SCAPER: variants seen among roughly 807,000 people sequenced by gnomAD.
The protein encoded by SCAPER is S-phase cyclin A associated protein in the ER.
A neutral mutation model predicts 182.2 loss-of-function variants in SCAPER; 98 were observed. That is an observed-to-expected ratio of 0.54 (90% CI 0.46 to 0.64). The LOEUF (loss-of-function observed/expected upper bound fraction) is 0.64, where lower values mean the gene tolerates loss of function less well. Ranked by LOEUF, SCAPER falls within the 30% of genes least tolerant of loss-of-function variation. SCAPER has a pLI of 0.00. For missense variants in SCAPER, 1,432 were observed against 1,690.0 expected (o/e 0.85, Z 2.68); for synonymous variants, 605 against 564.6 (o/e 1.07, Z -1.01).
Position 76,822,425 on chromosome 15 carries a change from A to C in SCAPER, c.394-17792T>G, listed in dbSNP as rs567395951. On this transcript the variant is annotated intron_variant, in intron 5 of 31. Coordinates refer to ENST00000563290, the MANE Select transcript of SCAPER (RefSeq NM_020843.4). ...AACATTTCTTAAGCAGCTAATACAAAGCTAAATAAATAAAGGCAACTCTGC... is the reference window on the plus strand; with the variant it reads ...AACATTTCTTAAGCAGCTAATACAACGCTAAATAAATAAAGGCAACTCTGC... Among the ~76,000 whole-genome samples the C allele has an allele frequency of 6.6e-5, 10 of 152,380 alleles. No homozygotes were observed. The South Asian group carries it at 1.9e-3, about 28-fold the overall frequency.
chr15:76,571,546 GTCTAAAATAGTTC>G (rs2047434334), intron 23 of SCAPER, among the ~76,000 whole-genome samples: 1 of 152,086 alleles, frequency 6.6e-6, no homozygotes, highest in Admixed American at 6.6e-5. Context: ...AACCCGTTAG[GTCTAAAATAGTTC>G]TCAGAACTTT....
At chr15:76,846,956 A>G (rs2070148764) in intron 4 of SCAPER, among the ~76,000 whole-genome samples, 1 of 152,080 alleles carries the variant, frequency 6.6e-6, no homozygotes, top group Admixed American at 6.6e-5. Flanking sequence ...GGAAGTGGCC[A>G]TCATCAGATG....
chr15:76,825,983 G>T (rs2067978917), intron 5 of SCAPER, among the ~76,000 whole-genome samples: 1 of 152,156 alleles, frequency 6.6e-6, no homozygotes, highest in Admixed American at 6.5e-5. Context: ...GACCTTAGGT[G>T]ATCCACCCAC....
intron 25 of SCAPER, among the ~76,000 whole-genome samples, chr15:76,452,522 A>T (rs2048440357): frequency 6.6e-6 from 1 of 152,208 alleles, no homozygotes. Context: ...CTCTGCAAGG[A>T]TTTTAAATGT....
chr15:76,614,522 AC>A (rs1464581521), intron 22 of SCAPER, among the ~76,000 whole-genome samples: 15 of 152,344 alleles, frequency 9.8e-5, no homozygotes, highest in African/African-American at 2.9e-4. Flanking sequence ...TAACAAAAAA[AC>A]AAACCTGAAA....
intron 17 of SCAPER, among the ~76,000 whole-genome samples, chr15:76,727,808 T>C (rs973702561): frequency 1.9e-4 from 28 of 151,214 alleles, no homozygotes; most frequent in Non-Finnish European, 3.8e-4. Context: ...TATATGTAAC[T>C]AACAAAGACT....
intron 8 of SCAPER, chr15:76,793,539 A>G (rs2065133746): frequency 2.7e-6 from 1 of 371,174 alleles, no homozygotes; most frequent in Non-Finnish European, 4.8e-6. Context: ...TTCTATAAAA[A>G]CCTTTTTTAA....
chr15:76,620,087 T>C (rs1045636634), intron 22 of SCAPER, among the ~76,000 whole-genome samples: 4 of 152,060 alleles, frequency 2.6e-5, no homozygotes, highest in Non-Finnish European at 4.4e-5. Context: ...AAAAAATATA[T>C]ATATATAAGT....
intron 5 of SCAPER, among the ~76,000 whole-genome samples, chr15:76,831,704 C>A (rs185890473): frequency 6.6e-6 from 1 of 152,134 alleles, no homozygotes; most frequent in African/African-American, 2.4e-5. Flanking sequence ...CCTTCCATCA[C>A]CCCACCGGAG....
intron 25 of SCAPER, among the ~76,000 whole-genome samples, chr15:76,462,391 T>A (rs1415601386): frequency 6.6e-6 from 1 of 152,184 alleles, no homozygotes; most frequent in Non-Finnish European, 1.5e-5. Context: ...CAGAACTGGG[T>A]CATCTTCTAT....
At chr15:76,406,873 CATA>C (rs1414028290) in intron 26 of SCAPER, among the ~76,000 whole-genome samples, 1 of 152,282 alleles carries the variant, frequency 6.6e-6, no homozygotes, top group African/African-American at 2.4e-5. Context: ...TCATCTTGGC[CATA>C]ATGACTGGTT....
At chr15:76,571,545 G>T (rs2145328503) in intron 23 of SCAPER, among the ~76,000 whole-genome samples, 1 of 152,206 alleles carries the variant, frequency 6.6e-6, no homozygotes, top group South Asian at 2.1e-4. Flanking sequence ...TAACCCGTTA[G>T]GTCTAAAATA....
chr15:76,570,175 T>G (rs1357531912), intron 23 of SCAPER, among the ~76,000 whole-genome samples: 1 of 152,206 alleles, frequency 6.6e-6, no homozygotes, highest in African/African-American at 2.4e-5. Flanking sequence ...CCCAGCCACC[T>G]ACATGATTTG....
At chr15:76,518,356 T>C (rs1000316160) in intron 23 of SCAPER, among the ~76,000 whole-genome samples, 2 of 152,200 alleles carry the variant, frequency 1.3e-5, no homozygotes, top group Admixed American at 6.5e-5. Flanking sequence ...ACTTGTGCCA[T>C]GATAAGATAT....
intron 27 of SCAPER, among the ~76,000 whole-genome samples, chr15:76,401,591 T>C (rs1240421689): frequency 4.6e-5 from 7 of 152,192 alleles, no homozygotes; most frequent in Admixed American, 3.9e-4. Context: ...AGTCTAGCTC[T>C]TGTAGCCCTT....
intron 31 of SCAPER, chr15:76,350,693 C>T (rs950881861): frequency 1.3e-5 from 2 of 151,984 alleles, no homozygotes; most frequent in African/African-American, 2.4e-5. Context: ...AGCAGGAATG[C>T]TATAGGAAAA....
intron 24 of SCAPER, among the ~76,000 whole-genome samples, chr15:76,476,727 G>C (rs1421669157): frequency 6.7e-6 from 1 of 149,124 alleles, no homozygotes; most frequent in Non-Finnish European, 1.5e-5. Flanking sequence ...GATTATAGGC[G>C]TTAGCCAACA....
Position 76,665,750 on chromosome 15 carries a change from C to A in SCAPER, c.2548G>T (p.Val850Phe). The change falls in exon 21 of 32, where the codon GTT becomes TTT. Residue 850 changes from valine to phenylalanine, a missense_variant. Coordinates refer to ENST00000563290, the MANE Select transcript of SCAPER (RefSeq NM_020843.4). ...GCTTCTGCTGGAGCTGTACTTTCAA[C>A]CACAATGTCAATAATGTACTTCTTC... ...SLKKYIIDIV[V>F]ESTAPAEALK... 1 of 1,548,670 alleles carries A rather than the reference C, an allele frequency of 6.5e-7. No homozygotes were observed. Among genetic ancestry groups the A allele is most frequent in the Non-Finnish European group, 8.7e-7 (1 of 1,146,840 alleles).
chr15:76,491,933 GT>G (rs1331570234), intron 24 of SCAPER, among the ~76,000 whole-genome samples: 24 of 152,136 alleles, frequency 1.6e-4, no homozygotes, highest in Admixed American at 1.6e-3. Context: ...TGCCTGGCTT[GT>G]TTTGTTTTTT....
Sources: allele counts gnomAD v4.1 joint callset (sites outside exome capture counted in the v4.1 genomes callset), GRCh38; gene constraint gnomAD v4.1.1; transcripts MANE v1.5; gene names NCBI Gene and HGNC (gene_info 2026-07-23, HGNC 2026-07-21).